Variants in NCLN observed in about 807,000 individuals in gnomAD.
The protein encoded by NCLN is nicalin, also known as BOS complex subunit NCLN.
A neutral mutation model predicts 69.5 loss-of-function variants in NCLN; 34 were observed. That is an observed-to-expected ratio of 0.49 (90% CI 0.37 to 0.65). The LOEUF is 0.65. NCLN is among the 30% of genes least tolerant of loss of function. The pLI, the probability that NCLN is intolerant of heterozygous loss-of-function variation, is 0.00. For missense variants in NCLN, 710 were observed against 804.8 expected (o/e 0.88, Z 1.42); for synonymous variants, 393 against 358.3 (o/e 1.10, Z -1.09).
chr19:3,207,252 G>T lies in NCLN; in HGVS notation c.1553+1G>T. The T allele has an allele frequency of 6.2e-7, 1 of 1,613,734 alleles. No homozygotes were observed. The highest frequency in any genetic ancestry group is 8.5e-7 in the Non-Finnish European group (1 of 1,180,022). On this transcript the variant is annotated splice_donor_variant, in intron 13 of 14. Coordinates refer to ENST00000246117, the MANE Select transcript of NCLN (RefSeq NM_020170.4). LOFTEE classifies it high-confidence loss of function. Reference sequence around the variant, plus strand: ...TGAAGCAAGTGATGAATGCGTACAGGTGAGTGGTGGCCAGCGGGACCTGGA... The same window carrying T: ...TGAAGCAAGTGATGAATGCGTACAGTTGAGTGGTGGCCAGCGGGACCTGGA...
intron 5 of NCLN, among the ~76,000 whole-genome samples, chr19:3,199,763 C>T (rs1487926525): frequency 7.1e-6 from 1 of 140,450 alleles, no homozygotes; most frequent in African/African-American, 2.7e-5. Flanking sequence ...TGCAGTGGCA[C>T]AATCTCGGCT....
intron 1 of NCLN, among the ~76,000 whole-genome samples, chr19:3,187,164 C>T (rs928236947): frequency 6.6e-6 from 1 of 152,220 alleles, no homozygotes; most frequent in Admixed American, 6.5e-5. Context: ...AATTCGCACC[C>T]CCTTGCCCTT....
In NCLN at chr19:3,206,434, G is replaced by T; in HGVS notation, c.1499+9G>T. 1 of 1,543,566 alleles carries T rather than the reference G, an allele frequency of 6.5e-7. No individual in the cohort carries two copies. The highest frequency in any genetic ancestry group is 8.7e-7 in the Non-Finnish European group (1 of 1,144,968). ...GTCAAGGCTGACAAGCGGTGAGGCT[G>T]GGGCTCCGCGCTGGCCCCGTTCAGC... On this transcript the variant is annotated intron_variant, in intron 12 of 14. Transcript: ENST00000246117.
Position 3,207,591 on chromosome 19 carries a change from C to T in NCLN, c.1633-38C>T, listed in dbSNP as rs562824253. ...GAGTCACATGACCTGGGGCTCTGGC[C>T]CCGCCCACATCCTCACTCCCTCCTG... On this transcript the variant is annotated intron_variant, in intron 14 of 14. Transcript: ENST00000246117. 8 of 1,611,294 alleles carry T rather than the reference C, an allele frequency of 5.0e-6. No individual in the cohort carries two copies. In the South Asian group the frequency reaches 6.6e-5, roughly 13 times the overall value.
rs1401636742 is a variant in NCLN, at chr19:3,193,371, A to G, written c.463A>G (p.Ile155Val). 1.9e-6 allele frequency: 3 copies of G among 1,612,130 alleles called. No homozygotes were observed. The highest frequency in any genetic ancestry group is 2.5e-6 in the Non-Finnish European group (3 of 1,179,952). ...CGTGGAGGACGAGGCCCTGCTGTCT[A>G]TCTACAAGCAGACCCAGGCTGCCTC... ...FAVEDEALLS[I>V]YKQTQAASAS... Residue 155 changes from isoleucine to valine, a missense_variant, in exon 3 of 15, where the codon ATC becomes GTC. Coordinates refer to ENST00000246117, the MANE Select transcript of NCLN (RefSeq NM_020170.4).
chr19:3,206,853 C>T (rs1192028293), intron 12 of NCLN, among the ~76,000 whole-genome samples: 3 of 152,104 alleles, frequency 2.0e-5, no homozygotes, highest in Non-Finnish European at 2.9e-5. Context: ...ATGGAGTCTT[C>T]CTCTGTCACC....
chr19:3,204,890 C>A, intron 9 of NCLN, 139 bp downstream of exon 9: 2 of 963,680 alleles, frequency 2.1e-6, no homozygotes, highest in Non-Finnish European at 2.8e-6. Context: ...GGTGCGTGGC[C>A]AAGGCCGGCT....
chr19:3,196,352 C>A, intron 4 of NCLN, 75 bp downstream of exon 4: 1 of 1,167,066 alleles, frequency 8.6e-7, no homozygotes, highest in South Asian at 1.5e-5. Context: ...CCCGGCTCGG[C>A]CGTACTAGAG....
chr19:3,191,331 C>T lies in NCLN; in HGVS notation c.185-1139C>T, dbSNP rs572343415. On this transcript the variant is annotated intron_variant, in intron 1 of 14. Transcript: ENST00000246117. ...TTTCCAGAGCGGTGACCGTGGGGAGCGCCACCGCAGAAGTGAATAAGCCCG... is the reference window on the plus strand; with the variant it reads ...TTTCCAGAGCGGTGACCGTGGGGAGTGCCACCGCAGAAGTGAATAAGCCCG... 1.3e-4 allele frequency among the ~76,000 whole-genome samples: 20 copies of T among 152,176 alleles called. No homozygotes were observed. The South Asian group carries it at 2.5e-3, about 19-fold the overall frequency.
At chr19:3,188,371 C>G (rs1915724661) in intron 1 of NCLN, among the ~76,000 whole-genome samples, 2 of 152,226 alleles carry the variant, frequency 1.3e-5, no homozygotes, top group South Asian at 4.1e-4. Context: ...TGCATGTTGT[C>G]TATCGAGTGA....
rs2144888769 is a variant in NCLN at position 3,185,947 on chromosome 19, C to T, written c.-84C>T. ...GCGCCCGCAGGACCCCGGCGGCTAC[C>T]CATGCCGAGGTGAGTCCGCGGGAGC... On this transcript the variant is annotated 5_prime_UTR_variant, in exon 1 of 15. Transcript: ENST00000246117. 2 of 1,094,360 alleles carry T rather than the reference C, an allele frequency of 1.8e-6. No individual in the cohort carries two copies. The highest frequency in any genetic ancestry group is 2.3e-6 in the Non-Finnish European group (2 of 852,868). 67.8% of individuals were successfully genotyped at this position (1,094,360 alleles called of 1,614,324 possible).
chr19:3,199,882 A>G (rs1053790069), intron 5 of NCLN, among the ~76,000 whole-genome samples: 50 of 151,344 alleles, frequency 3.3e-4, no homozygotes, highest in African/African-American at 1.2e-3. Flanking sequence ...TTTTATTTTT[A>G]GTAGAGACGG....
At chr19:3,190,219 C>T (rs376999653) in intron 1 of NCLN, among the ~76,000 whole-genome samples, 16 of 152,306 alleles carry the variant, frequency 1.1e-4, no homozygotes, top group African/African-American at 3.1e-4. Flanking sequence ...TGAGGGGCCT[C>T]CCAAGGGCAG....
intron 4 of NCLN, among the ~76,000 whole-genome samples, chr19:3,198,292 A>G (rs1396435436): frequency 2.6e-5 from 4 of 151,924 alleles, no homozygotes; most frequent in Non-Finnish European, 5.9e-5. Context: ...GGATCATGAG[A>G]TCAGGAGATC....
rs767925262 is a variant in NCLN at position 3,192,426 on chromosome 19, C to T, written c.185-44C>T. ...CCTGGATCTGTCCCCTCCCGTCGGCCTGGCCACCCGCCGAGGCTCACGACC... is the reference window on the plus strand; with the variant it reads ...CCTGGATCTGTCCCCTCCCGTCGGCTTGGCCACCCGCCGAGGCTCACGACC... On this transcript the variant is annotated intron_variant, in intron 1 of 14. Coordinates refer to ENST00000246117, the MANE Select transcript of NCLN (RefSeq NM_020170.4). 6 of 1,511,728 alleles carry T rather than the reference C, an allele frequency of 4.0e-6. No individual in the cohort carries two copies. The East Asian group carries it at 7.7e-5, about 19-fold the overall frequency. 93.6% of individuals were successfully genotyped at this position (1,511,728 alleles called of 1,614,324 possible). A position where few individuals can be genotyped will look rare whatever the true frequency, so the allele number is the denominator to read the frequency against.
Position 3,204,071 on chromosome 19 carries a change from G to T in NCLN, c.956G>T (p.Ser319Ile). 1.3e-6 allele frequency: 2 copies of T among 1,557,998 alleles called. No homozygotes were observed. Among genetic ancestry groups the T allele is most frequent in the African/African-American group, 1.4e-5 (1 of 73,172 alleles). ...LCLDTVGRGSSLHLHVSKPPR... is the reference protein window; with the variant it reads ...LCLDTVGRGSILHLHVSKPPR... ...CTGGACACCGTGGGCCGGGGCAGCA[G>T]CCTGCACCTGCACGTGTCCAAGCCG... Residue 319 changes from serine (S) to isoleucine (I), a missense_variant, in exon 8 of 15, where the codon AGC becomes ATC. Transcript: ENST00000246117.
At chr19:3,196,919 A>C (rs952267529) in intron 4 of NCLN, among the ~76,000 whole-genome samples, 1 of 152,208 alleles carries the variant, frequency 6.6e-6, no homozygotes, top group African/African-American at 2.4e-5. Flanking sequence ...GGGTTGCCTC[A>C]CTGTCGGGGG....
intron 5 of NCLN, among the ~76,000 whole-genome samples, chr19:3,200,002 G>T (rs1916084561): frequency 6.6e-6 from 1 of 151,118 alleles, no homozygotes; most frequent in South Asian, 2.1e-4. Flanking sequence ...ACCCAGTCCT[G>T]CCTCCTTTGA....
Position 3,206,112 on chromosome 19 carries a change from A to G in NCLN, c.1297-40A>G, listed in dbSNP as rs754221819. 9 of 1,547,862 alleles carry G rather than the reference A, an allele frequency of 5.8e-6. No individual in the cohort carries two copies. In the South Asian group the frequency reaches 9.5e-5, roughly 16 times the overall value. Reference sequence around the variant, plus strand: ...CCACCCCTGGCCCCAGCCCCACTGCAGGGGCCTGGACTCAGGGCCATCCCC... The same window carrying G: ...CCACCCCTGGCCCCAGCCCCACTGCGGGGGCCTGGACTCAGGGCCATCCCC... On this transcript the variant is annotated intron_variant, in intron 10 of 14. Coordinates refer to ENST00000246117, the MANE Select transcript of NCLN (RefSeq NM_020170.4).
Sources: gnomAD v4.1 joint callset for allele counts (sites outside exome capture counted in the v4.1 genomes callset) on GRCh38, gnomAD v4.1.1 for gene constraint, MANE v1.5 for transcripts, NCBI Gene and HGNC (gene_info 2026-07-23, HGNC 2026-07-21) for gene names.